TMEM250: variants seen among roughly 807,000 people sequenced by gnomAD.
TMEM250 encodes herpes virus UL25-binding protein.
A neutral mutation model predicts 7.0 loss-of-function variants in TMEM250; 7 were observed. The ratio of observed to expected loss-of-function variants is 1.00; its 90% CI spans 0.57 to 1.87. TMEM250 has a LOEUF of 1.87. Among genes scored for constraint, TMEM250 ranks in the 40% most tolerant of loss-of-function variants. The pLI, the probability that TMEM250 is intolerant of heterozygous loss-of-function variation, is 0.00. For synonymous variants in TMEM250, 135 were observed against 96.7 expected (o/e 1.40, Z -2.32); for missense variants, 196 against 202.5 (o/e 0.97, Z 0.19).
rs775480052 is a variant in TMEM250, at chr9:136,116,655, C to CA, written c.245dup (p.Val84ArgfsTer105). ...GGAAGCGCAGCAGGACGCGAACGCC[C>CA]AGGTACTGTAGGCAGAAGAGGGCGG... is the stretch of plus-strand genomic sequence containing the variant. On this transcript the variant is annotated frameshift_variant, in exon 2 of 2. Transcript: ENST00000418388. LOFTEE classifies it high-confidence loss of function. 2.5e-6 allele frequency: 4 copies of CA among 1,611,638 alleles called. No homozygotes were observed. In the African/African-American group the frequency reaches 5.3e-5, roughly 22 times the overall value.
intron 1 of TMEM250, among the ~76,000 whole-genome samples, chr9:136,117,258 G>C (rs1483108693): frequency 6.6e-6 from 1 of 152,242 alleles, no homozygotes; most frequent in Non-Finnish European, 1.5e-5. Flanking sequence ...GCAGCACTGG[G>C]GAAAGGGGGC....
intron 1 of TMEM250, chr9:136,118,075 G>GCCCTCT (rs1830748491): frequency 6.6e-6 from 1 of 152,284 alleles, no homozygotes; most frequent in Non-Finnish European, 1.5e-5. Context: ...GCCCGACCTC[G>GCCCTCT]CCCTCTCCCT....
chr9:136,116,215 C>G lies in TMEM250; in HGVS notation c.*266G>C, dbSNP rs1316357991. ...GGAACGGAGGGCCCACCCCGCAGTA[C>G]GACCCGAAGACATGTGAGCAGGAGC... On this transcript the variant is annotated 3_prime_UTR_variant, in exon 2 of 2. Coordinates refer to ENST00000418388, the MANE Select transcript of TMEM250 (RefSeq NM_152833.3). The G allele has an allele frequency of 1.5e-5, 9 of 586,114 alleles. No homozygotes were observed. Among genetic ancestry groups the G allele is most frequent in the Non-Finnish European group, 2.0e-5 (7 of 351,250 alleles). The allele number at this position is 586,114 out of a possible 1,614,324, so 36.3% of individuals were successfully genotyped here.
At position 136,115,708 on chromosome 9, in the gene TMEM250, G is replaced by A. The variant is rs1263303820; in HGVS notation, c.*773C>T. Reference sequence around the variant, plus strand: ...AGAGCATCTGCAAGACATCCTCACAGCCCTCCCAGAACAGGCAGACAGGCC... The same window carrying A: ...AGAGCATCTGCAAGACATCCTCACAACCCTCCCAGAACAGGCAGACAGGCC... On this transcript the variant is annotated 3_prime_UTR_variant, in exon 2 of 2. Transcript: ENST00000418388. 1.8e-5 allele frequency: 3 copies of A among 170,026 alleles called. No individual in the cohort carries two copies. The highest frequency in any genetic ancestry group is 7.1e-5 in the African/African-American group (3 of 42,182). The allele number at this position is 170,026 out of a possible 1,614,324, so 10.5% of individuals were successfully genotyped here.
chr9:136,116,994 C>A lies in TMEM250; in HGVS notation c.-94G>T, dbSNP rs1255551598. 3.7e-6 allele frequency: 5 copies of A among 1,358,148 alleles called. No homozygotes were observed. The highest frequency in any genetic ancestry group is 1.7e-5 in the South Asian group (1 of 59,194). 84.1% of individuals were successfully genotyped at this position (1,358,148 alleles called of 1,614,324 possible). A position where few individuals can be genotyped will look rare whatever the true frequency, so the allele number is the denominator to read the frequency against. Reference sequence around the variant, plus strand: ...GGTCATGGGCGCCTAGGCCTGGGAGCCCGCAGCTGACCCTGGGGGGAGGCG... The same window carrying A: ...GGTCATGGGCGCCTAGGCCTGGGAGACCGCAGCTGACCCTGGGGGGAGGCG... On this transcript the variant is annotated 5_prime_UTR_variant, in exon 2 of 2. Coordinates refer to ENST00000418388, the MANE Select transcript of TMEM250 (RefSeq NM_152833.3).
chr9:136,115,222 A>T lies in TMEM250; in HGVS notation c.*1259T>A, dbSNP rs1564255199. On this transcript the variant is annotated 3_prime_UTR_variant, in exon 2 of 2. Transcript: ENST00000418388. ...CCTGTTGTCCTTGCAATCATTATTC[A>T]GGGCGCCCTCCCACTTGCCCCCAAA... is the stretch of plus-strand genomic sequence containing the variant. The T allele has an allele frequency of 6.6e-6, 1 of 152,292 alleles. No homozygotes were observed. Among genetic ancestry groups the T allele is most frequent in the Non-Finnish European group, 1.5e-5 (1 of 68,136 alleles). The allele number at this position is 152,292 out of a possible 1,614,324, so 9.4% of individuals were successfully genotyped here.
Position 136,116,401 on chromosome 9 carries a change from G to C in TMEM250, c.*80C>G. The C allele has an allele frequency of 6.9e-7, 1 of 1,441,138 alleles. No individual in the cohort carries two copies. The highest frequency in any genetic ancestry group is 9.1e-7 in the Non-Finnish European group (1 of 1,100,722). The allele number at this position is 1,441,138 out of a possible 1,614,324, so 89.3% of individuals were successfully genotyped here. On this transcript the variant is annotated 3_prime_UTR_variant, in exon 2 of 2. Transcript: ENST00000418388. ...GCGACTGCCTGGGGGATGGGCGAAG[G>C]GAAGGCGCTGGCCGACCCCACCCAT...
rs1316357991 is a variant in TMEM250 at position 136,116,215 on chromosome 9, C to T, written c.*266G>A. 5.1e-6 allele frequency: 3 copies of T among 586,228 alleles called. No individual in the cohort carries two copies. Among genetic ancestry groups the T allele is most frequent in the Non-Finnish European group, 5.7e-6 (2 of 351,240 alleles). 36.3% of individuals were successfully genotyped at this position (586,228 alleles called of 1,614,324 possible). A position where few individuals can be genotyped will look rare whatever the true frequency, so the allele number is the denominator to read the frequency against. On this transcript the variant is annotated 3_prime_UTR_variant, in exon 2 of 2. Coordinates refer to ENST00000418388, the MANE Select transcript of TMEM250 (RefSeq NM_152833.3). The stretch of plus-strand genomic sequence containing the variant: ...GGAACGGAGGGCCCACCCCGCAGTA[C>T]GACCCGAAGACATGTGAGCAGGAGC...
In TMEM250 at chr9:136,115,423, G is replaced by T; in HGVS notation, c.*1058C>A. 6.6e-6 allele frequency: 1 copy of T among 152,424 alleles called. No individual in the cohort carries two copies. The allele number at this position is 152,424 out of a possible 1,614,324, so 9.4% of individuals were successfully genotyped here. On this transcript the variant is annotated 3_prime_UTR_variant, in exon 2 of 2. Coordinates refer to ENST00000418388, the MANE Select transcript of TMEM250 (RefSeq NM_152833.3). ...CATCATTTGGGCCCCCCAGACACTG[G>T]AGGACAGCGTGAGATAAGATCTCAG...
Position 136,116,167 on chromosome 9 carries a change from T to TGGAGAGAGGCCC in TMEM250, c.*302_*313dup. ...CTAAAGTCCCTGGCAGCTGTGGTCC[T>TGGAGAGAGGCCC]GGAGAGAGGCCCACAGAGAGGCGGA... On this transcript the variant is annotated 3_prime_UTR_variant, in exon 2 of 2. Transcript: ENST00000418388. 2.0e-6 allele frequency: 1 copy of TGGAGAGAGGCCC among 511,108 alleles called. No homozygotes were observed. The highest frequency in any genetic ancestry group is 3.7e-5 in the Admixed American group (1 of 26,840). The allele number at this position is 511,108 out of a possible 1,614,324, so 31.7% of individuals were successfully genotyped here.
At position 136,114,820 on chromosome 9, in the gene TMEM250, CTTT is replaced by C. The variant is rs1588596424; in HGVS notation, c.*1658_*1660del. 2 of 152,204 alleles carry C rather than the reference CTTT, an allele frequency of 1.3e-5. No homozygotes were observed. The highest frequency in any genetic ancestry group is 3.9e-4 in the East Asian group (2 of 5,170). The allele number at this position is 152,204 out of a possible 1,614,324, so 9.4% of individuals were successfully genotyped here. A position where few individuals can be genotyped will look rare whatever the true frequency, so the allele number is the denominator to read the frequency against. ...AATACGTTAACAAAAAACAAAGCTT[CTTT>C]GAGGAAACAGCATGACTTAGTGCAA... is the stretch of plus-strand genomic sequence containing the variant. On this transcript the variant is annotated 3_prime_UTR_variant, in exon 2 of 2. Transcript: ENST00000418388.
Position 136,116,846 on chromosome 9 carries a change from TGGTGTGCG to T in TMEM250, c.47_54del (p.Pro16HisfsTer43). ...GGCCCGCAGGCCGCATGCAGGCAGG[TGGTGTGCG>T]GGCCGTGGAAGGAGCGCACCCGCCG... On this transcript the variant is annotated frameshift_variant, in exon 2 of 2. Transcript: ENST00000418388. LOFTEE classifies it high-confidence loss of function. 1 of 1,603,304 alleles carries T rather than the reference TGGTGTGCG, an allele frequency of 6.2e-7. No individual in the cohort carries two copies. Among genetic ancestry groups the T allele is most frequent in the Non-Finnish European group, 8.5e-7 (1 of 1,176,062 alleles).
Position 136,116,844 on chromosome 9 carries a change from G to C in TMEM250, c.57C>G (p.Thr19=), listed in dbSNP as rs758362988. ...RVRSFHGPHT[T]CLHAACGPVR... ...CGGGCCCGCAGGCCGCATGCAGGCA[G>C]GTGGTGTGCGGGCCGTGGAAGGAGC... The change falls in exon 2 of 2, where the codon ACC becomes ACG. Residue 19 remains threonine, a synonymous_variant. Transcript: ENST00000418388. The C allele has an allele frequency of 1.2e-5, 19 of 1,603,468 alleles. No homozygotes were observed. The African/African-American group carries it at 1.6e-4, about 14-fold the overall frequency.
In TMEM250 at chr9:136,117,010, G is replaced by A. The variant is rs1830720926; in HGVS notation, c.-110C>T. On this transcript the variant is annotated 5_prime_UTR_variant, in exon 2 of 2. Coordinates refer to ENST00000418388, the MANE Select transcript of TMEM250 (RefSeq NM_152833.3). ...GCCTGGGAGCCCGCAGCTGACCCTG[G>A]GGGGAGGCGTCGGCCTGCGGGGAGA... The A allele has an allele frequency of 5.2e-6, 7 of 1,350,928 alleles. No individual in the cohort carries two copies. The highest frequency in any genetic ancestry group is 6.6e-6 in the Non-Finnish European group (7 of 1,055,434). The allele number at this position is 1,350,928 out of a possible 1,614,324, so 83.7% of individuals were successfully genotyped here. A position where few individuals can be genotyped will look rare whatever the true frequency, so the allele number is the denominator to read the frequency against.
chr9:136,117,056 A>T, intron 1 of TMEM250, 32 bp from the exon 2 acceptor site: 1 of 1,251,556 alleles, frequency 8.0e-7, no homozygotes. Flanking sequence ...CCACGTCAGT[A>T]TGAGGACACC....
rs1240403414 is a variant in TMEM250 at position 136,116,453 on chromosome 9, C to T, written c.*28G>A. On this transcript the variant is annotated 3_prime_UTR_variant, in exon 2 of 2. Transcript: ENST00000418388. ...GAGAGAACACAGCCACAGGCCGGGA[C>T]GATACATCAAGCTCGCACCCACGGC... The T allele has an allele frequency of 2.0e-6, 3 of 1,500,192 alleles. No homozygotes were observed. The highest frequency in any genetic ancestry group is 2.8e-5 in the African/African-American group (2 of 72,362). The allele number at this position is 1,500,192 out of a possible 1,614,324, so 92.9% of individuals were successfully genotyped here. A position where few individuals can be genotyped will look rare whatever the true frequency, so the allele number is the denominator to read the frequency against.
rs1165955517 is a variant in TMEM250, at chr9:136,116,432, G to T, written c.*49C>A. 2.0e-5 allele frequency: 30 copies of T among 1,472,914 alleles called. No individual in the cohort carries two copies. In the East Asian group the frequency reaches 6.0e-4, roughly 29 times the overall value. The allele number at this position is 1,472,914 out of a possible 1,614,324, so 91.2% of individuals were successfully genotyped here. On this transcript the variant is annotated 3_prime_UTR_variant, in exon 2 of 2. Coordinates refer to ENST00000418388, the MANE Select transcript of TMEM250 (RefSeq NM_152833.3). The stretch of plus-strand genomic sequence containing the variant: ...CGCTGGCCGACCCCACCCATGGAGA[G>T]AACACAGCCACAGGCCGGGACGATA...
In TMEM250 at chr9:136,116,798, G is replaced by A. The variant is rs143889132; in HGVS notation, c.103C>T (p.Arg35Cys). The change falls in exon 2 of 2, where the codon CGC becomes TGC. Residue 35 changes from arginine (R) to cysteine (C), a missense_variant. Transcript: ENST00000418388. ...CGPVRASHLARTKYNNFDVYI... is the reference protein window; with the variant it reads ...CGPVRASHLACTKYNNFDVYI... Reference sequence around the variant, plus strand: ...ACGTCGAAGTTGTTGTACTTGGTGCGGGCCAGGTGGGAGGCGCGCACGGGC... The same window carrying A: ...ACGTCGAAGTTGTTGTACTTGGTGCAGGCCAGGTGGGAGGCGCGCACGGGC... The A allele has an allele frequency of 2.6e-3, 4,177 of 1,612,084 alleles. 12 individuals are homozygous for A. The highest frequency in any genetic ancestry group is 4.6e-3 in the Middle Eastern group (28 of 6,054).
chr9:136,116,247 C>G lies in TMEM250; in HGVS notation c.*234G>C, dbSNP rs1398099715. 2 of 788,320 alleles carry G rather than the reference C, an allele frequency of 2.5e-6. No individual in the cohort carries two copies. Among genetic ancestry groups the G allele is most frequent in the African/African-American group, 3.5e-5 (2 of 57,484 alleles). 48.8% of individuals were successfully genotyped at this position (788,320 alleles called of 1,614,324 possible). Reference sequence around the variant, plus strand: ...AAGACATGTGAGCAGGAGCCACCGGCAGGTGGGCGCTGCCCCTGAGAGTGC... The same window carrying G: ...AAGACATGTGAGCAGGAGCCACCGGGAGGTGGGCGCTGCCCCTGAGAGTGC... On this transcript the variant is annotated 3_prime_UTR_variant, in exon 2 of 2. Coordinates refer to ENST00000418388, the MANE Select transcript of TMEM250 (RefSeq NM_152833.3).
Sources: allele counts gnomAD v4.1 joint callset (sites outside exome capture counted in the v4.1 genomes callset), GRCh38; gene constraint gnomAD v4.1.1; transcripts MANE v1.5; gene names NCBI Gene and HGNC (gene_info 2026-07-23, HGNC 2026-07-21).